The following PAGE2B variants were observed in gnomAD, a reference collection of about 807,000 sequenced individuals.
PAGE2B encodes the protein putative G antigen family E member 3.
PAGE2B carries 5 observed loss-of-function variants against 7.6 expected under a neutral mutation model. The ratio of observed to expected loss-of-function variants is 0.66; its 90% CI spans 0.34 to 1.38. The LOEUF is 1.38. PAGE2B is among the 40% of genes most tolerant of loss of function. The pLI is 0.04. For synonymous variants in PAGE2B, 29 were observed against 26.7 expected (o/e 1.09, Z -0.27); for missense variants, 70 against 78.4 (o/e 0.89, Z 0.41).
At position 55,076,094 on chromosome X, in the gene PAGE2B, A is replaced by G. The variant is rs1569548336; in HGVS notation, c.53A>G (p.Gln18Arg). The G allele has an allele frequency of 8.3e-7, 1 of 1,209,643 alleles. No individual in the cohort carries two copies. The change falls in exon 2 of 5, where the codon CAA (glutamine) becomes CGA (arginine). Residue 18 changes from glutamine (Q) to arginine (R), a missense_variant. By Grantham distance (43) the Gln-to-Arg change is conservative (BLOSUM62 1). Coordinates refer to ENST00000374971, the MANE Select transcript of PAGE2B (RefSeq NM_001015038.3). ...CAATCCTCAGAAAGAGGAAATGACC[A>G]AGAGTCTTCCCAGCCAGTTGGATCT... ...RSQSSERGNDQESSQPVGSVI... is the reference protein window; with the variant it reads ...RSQSSERGNDRESSQPVGSVI...
At chrX:55,065,202 A>G in the PAGE2B span, among the ~76,000 whole-genome samples, 1 of 111,431 alleles carries the variant, frequency 9.0e-6, no homozygotes, top group Non-Finnish European at 1.9e-5. Flanking sequence ...TAGCGCTAAC[A>G]ATATTTGCTT....
At chrX:55,047,605 C>A in the PAGE2B span, among the ~76,000 whole-genome samples, 1 of 111,859 alleles carries the variant, frequency 8.9e-6, no homozygotes, top group Non-Finnish European at 1.9e-5. Context: ...CTAACGATCG[C>A]CATTCTAACT....
chrX:55,039,567 A>AT, the PAGE2B span, among the ~76,000 whole-genome samples: 1 of 108,577 alleles, frequency 9.2e-6, no homozygotes. Flanking sequence ...CCCTAATGGT[A>AT]TTTTTTTAAC....
chrX:55,068,335 G>T, the PAGE2B span, among the ~76,000 whole-genome samples: 2 of 111,943 alleles, frequency 1.8e-5, no homozygotes, highest in African/African-American at 6.5e-5. Context: ...GTTTGCCAAA[G>T]ATCAGTTGGT....
intron 2 of PAGE2B, 67 bp downstream of exon 2, chrX:55,076,192 T>G: frequency 9.0e-7 from 1 of 1,106,503 alleles, no homozygotes; most frequent in Non-Finnish European, 1.2e-6. Context: ...TTTGAGCTAG[T>G]GTACACGCAC....
At chrX:55,069,528 G>C in the PAGE2B span, among the ~76,000 whole-genome samples, 1 of 110,644 alleles carries the variant, frequency 9.0e-6, no homozygotes, top group African/African-American at 3.3e-5. Context: ...TCTCTGCCAG[G>C]CTTTGGTATC....
At chrX:55,032,870 G>A in the PAGE2B span, among the ~76,000 whole-genome samples, 4 of 111,587 alleles carry the variant, frequency 3.6e-5, no homozygotes, top group African/African-American at 1.3e-4. Flanking sequence ...AGTTCTTCTA[G>A]AAGGTATTTC....
the PAGE2B span, among the ~76,000 whole-genome samples, chrX:55,030,302 C>A: frequency 9.0e-6 from 1 of 111,603 alleles, no homozygotes; most frequent in African/African-American, 3.3e-5. Flanking sequence ...CATTCCTCTT[C>A]CACTTTCTTC....
chrX:55,067,864 C>T, the PAGE2B span, among the ~76,000 whole-genome samples: 1 of 112,384 alleles, frequency 8.9e-6, no homozygotes, highest in African/African-American at 3.2e-5. Context: ...TGAGAAGTGT[C>T]TGATCATATC....
At chrX:55,051,684 A>G in the PAGE2B span, among the ~76,000 whole-genome samples, 1 of 111,099 alleles carries the variant, frequency 9.0e-6, no homozygotes, top group Admixed American at 9.5e-5. Context: ...ACTTCTCTGC[A>G]TTGGTTATTC....
chrX:55,061,322 G>T, the PAGE2B span, among the ~76,000 whole-genome samples: 3 of 111,034 alleles, frequency 2.7e-5, no homozygotes, highest in Non-Finnish European at 5.7e-5. Flanking sequence ...AGGGGTTGGC[G>T]TACAGATAAT....
the PAGE2B span, among the ~76,000 whole-genome samples, chrX:55,029,146 G>A: frequency 7.2e-5 from 8 of 111,406 alleles, no homozygotes; most frequent in East Asian, 1.4e-3. Flanking sequence ...AAAAATGAAC[G>A]TACAGCCAAG....
the PAGE2B span, among the ~76,000 whole-genome samples, chrX:55,068,884 A>T: frequency 8.9e-6 from 1 of 111,814 alleles, no homozygotes. Flanking sequence ...TTGCACATTG[A>T]TTTTATATCC....
chrX:55,049,049 A>G, the PAGE2B span, among the ~76,000 whole-genome samples: 5 of 112,017 alleles, frequency 4.5e-5, no homozygotes, highest in African/African-American at 1.6e-4. Context: ...CCTTTGCTGC[A>G]TCTATTGAGA....
At chrX:55,035,443 T>A in the PAGE2B span, among the ~76,000 whole-genome samples, 1 of 111,514 alleles carries the variant, frequency 9.0e-6, no homozygotes, top group Non-Finnish European at 1.9e-5. Flanking sequence ...AAAGGGGCAA[T>A]CCAGGCAGAG....
At chrX:55,069,168 T>C in the PAGE2B span, among the ~76,000 whole-genome samples, 1 of 112,117 alleles carries the variant, frequency 8.9e-6, no homozygotes, top group East Asian at 2.8e-4. Flanking sequence ...TGATATTGGC[T>C]GTAGGTTTGC....
the PAGE2B span, among the ~76,000 whole-genome samples, chrX:55,051,241 A>AT: frequency 1.4e-3 from 157 of 110,472 alleles, no homozygotes; most frequent in African/African-American, 4.9e-3. Context: ...TGCCCTTAAC[A>AT]TTTTTTCCTT....
upstream of PAGE2B, among the ~76,000 whole-genome samples, chrX:55,070,068 T>C (rs948773533): frequency 6.3e-5 from 7 of 111,468 alleles, no homozygotes; most frequent in Admixed American, 5.7e-4. Flanking sequence ...GTTATTTCTG[T>C]CTTCTGCTAG....
chrX:55,042,633 G>A, the PAGE2B span, among the ~76,000 whole-genome samples: 10 of 67,233 alleles, frequency 1.5e-4, no homozygotes, highest in Non-Finnish European at 2.5e-4. Flanking sequence ...CAGCCTGGGC[G>A]ACAGAGCGAG....
Sources: allele counts gnomAD v4.1 joint callset (sites outside exome capture counted in the v4.1 genomes callset), GRCh38; gene constraint gnomAD v4.1.1; transcripts MANE v1.5; gene names NCBI Gene and HGNC (gene_info 2026-07-23, HGNC 2026-07-21).